The following TMEFF2 variants were observed in gnomAD, a reference collection of about 807,000 sequenced individuals.
TMEFF2 encodes transmembrane protein with EGF like and two follistatin like domains 2.
TMEFF2 carries 28 observed loss-of-function variants against 53.8 expected under a neutral mutation model. The observed-to-expected ratio is 0.52, with a 90% CI of 0.39 to 0.71. TMEFF2 has a LOEUF of 0.71. Among genes scored for constraint, TMEFF2 ranks in the 30% least tolerant of loss-of-function variants. The pLI is 0.00. For synonymous variants in TMEFF2, 162 were observed against 166.3 expected, an observed-to-expected ratio of 0.97 and a Z score of 0.20; for missense variants, 353 against 455.2, an observed-to-expected ratio of 0.78 and a Z score of 2.04.
chr2:192,040,591 G>GA (rs1687449558), intron 5 of TMEFF2, among the ~76,000 whole-genome samples: 1 of 151,960 alleles, frequency 6.6e-6, no homozygotes, highest in Non-Finnish European at 1.5e-5. Context: ...AAAAGAAAGA[G>GA]AAAAAAATGC....
At chr2:192,060,922 A>G (rs1559108697) in intron 4 of TMEFF2, among the ~76,000 whole-genome samples, 2 of 152,160 alleles carry the variant, frequency 1.3e-5, no homozygotes, top group Admixed American at 6.6e-5. Flanking sequence ...AGGGAAATGG[A>G]GCTACTGAAA....
chr2:192,180,609 A>G (rs916148355), intron 3 of TMEFF2, among the ~76,000 whole-genome samples: 4 of 151,764 alleles, frequency 2.6e-5, no homozygotes, highest in African/African-American at 9.7e-5. Context: ...CCCTTATTCC[A>G]CAGTGAAATC....
intron 3 of TMEFF2, among the ~76,000 whole-genome samples, chr2:192,183,705 G>A (rs1311512295): frequency 1.3e-5 from 2 of 151,986 alleles, no homozygotes; most frequent in Admixed American, 1.3e-4. Flanking sequence ...TAGACACAAG[G>A]AAAATTTGAA....
chr2:192,137,080 C>CT, intron 4 of TMEFF2, among the ~76,000 whole-genome samples: 1 of 152,186 alleles, frequency 6.6e-6, no homozygotes, highest in East Asian at 1.9e-4. Flanking sequence ...ATCCATGTCC[C>CT]TTTTTAACAG....
At chr2:192,146,103 A>G (rs146349767) in intron 4 of TMEFF2, among the ~76,000 whole-genome samples, 530 of 152,102 alleles carry the variant, frequency 3.5e-3, no homozygotes, top group East Asian at 0.011. Flanking sequence ...AATATTCACA[A>G]AAATATAAAT....
chr2:192,111,445 T>C (rs1427465107), intron 4 of TMEFF2, among the ~76,000 whole-genome samples: 1 of 152,130 alleles, frequency 6.6e-6, no homozygotes, highest in East Asian at 1.9e-4. Flanking sequence ...ACTTTGAACT[T>C]GAGGGAGATG....
chr2:192,041,616 A>T (rs1200691133), intron 5 of TMEFF2, among the ~76,000 whole-genome samples: 1 of 152,228 alleles, frequency 6.6e-6, no homozygotes, highest in Non-Finnish European at 1.5e-5. Context: ...TCCTATGTAT[A>T]TACCCGAGAC....
chr2:192,095,723 C>T (rs1028179696), intron 4 of TMEFF2, among the ~76,000 whole-genome samples: 17 of 152,136 alleles, frequency 1.1e-4, no homozygotes, highest in African/African-American at 2.9e-4. Flanking sequence ...GTTATTCAAC[C>T]TACCACTTCT....
chr2:192,191,599 A>G (rs1178058678), intron 2 of TMEFF2, among the ~76,000 whole-genome samples: 2 of 152,194 alleles, frequency 1.3e-5, no homozygotes, highest in Non-Finnish European at 2.9e-5. Context: ...TTTTAAAGTG[A>G]TGCTAGAAGG....
chr2:192,113,388 G>T (rs867001935), intron 4 of TMEFF2, among the ~76,000 whole-genome samples: 1 of 152,036 alleles, frequency 6.6e-6, no homozygotes, highest in East Asian at 1.9e-4. Context: ...TTGAGTCTTA[G>T]TTATCACATA....
intron 4 of TMEFF2, among the ~76,000 whole-genome samples, chr2:192,136,391 T>G (rs1690008589): frequency 6.6e-6 from 1 of 152,214 alleles, no homozygotes; most frequent in Non-Finnish European, 1.5e-5. Flanking sequence ...ATCTCTTGCC[T>G]TTTTATGATT....
intron 7 of TMEFF2, among the ~76,000 whole-genome samples, chr2:191,964,321 TTCCTTTCTTTCC>T (rs1321251624): frequency 0.018 from 2,501 of 140,364 alleles, 124 homozygotes; most frequent in African/African-American, 0.066. Flanking sequence ...CTTTCCTTCC[TTCCTTTCTTTCC>T]TTCTTTCTTT....
intron 4 of TMEFF2, among the ~76,000 whole-genome samples, chr2:192,146,017 C>T (rs779693675): frequency 6.6e-6 from 1 of 151,818 alleles, no homozygotes; most frequent in South Asian, 2.1e-4. Flanking sequence ...AAATAGAGCA[C>T]GTTTACTCCT....
chr2:192,048,760 G>A (rs1045691142), intron 5 of TMEFF2, among the ~76,000 whole-genome samples: 4 of 152,054 alleles, frequency 2.6e-5, no homozygotes, highest in Non-Finnish European at 4.4e-5. Flanking sequence ...TTTGTAATAA[G>A]CTTTGGCTCA....
intron 4 of TMEFF2, among the ~76,000 whole-genome samples, chr2:192,128,193 T>G (rs1689724532): frequency 6.6e-6 from 1 of 152,342 alleles, no homozygotes; most frequent in East Asian, 1.9e-4. Flanking sequence ...CCTACAATTT[T>G]CAAGAAGCTA....
Position 192,194,746 on chromosome 2 carries a change from G to A in TMEFF2, c.-222C>T, listed in dbSNP as rs1037118930. The A allele has an allele frequency of 5.2e-6, 3 of 572,356 alleles. No individual in the cohort carries two copies. Among genetic ancestry groups the A allele is most frequent in the African/African-American group, 3.8e-5 (2 of 52,978 alleles). 35.5% of individuals were successfully genotyped at this position (572,356 alleles called of 1,614,324 possible). On this transcript the variant is annotated 5_prime_UTR_variant, in exon 1 of 10. Transcript: ENST00000272771. This position sits in a 1 kb window ranked among gnomAD's most constrained non-coding sequence, Gnocchi z 4.2. ...CAGCCCCGGAGCGAGAGGGTCGTCC[G>A]CTGAGAAGCTGCGCCGGAGACGCGG...
chr2:191,954,263 T>C (rs749480323), intron 8 of TMEFF2, among the ~76,000 whole-genome samples: 1 of 152,204 alleles, frequency 6.6e-6, no homozygotes, highest in Non-Finnish European at 1.5e-5. Context: ...CCTTTCTAAA[T>C]AAATATTACT....
At chr2:192,119,779 C>G (rs1330415830) in intron 4 of TMEFF2, among the ~76,000 whole-genome samples, 1 of 152,184 alleles carries the variant, frequency 6.6e-6, no homozygotes, top group East Asian at 1.9e-4. Flanking sequence ...GTCATCTGTC[C>G]TCTAAATGAA....
At chr2:191,991,206 AG>A (rs1425787608) in intron 7 of TMEFF2, among the ~76,000 whole-genome samples, 1 of 152,126 alleles carries the variant, frequency 6.6e-6, no homozygotes, top group Non-Finnish European at 1.5e-5. Context: ...TGAATTAAAA[AG>A]TCAGCCAAGG....
Sources: gnomAD v4.1 joint callset for allele counts (sites outside exome capture counted in the v4.1 genomes callset) on GRCh38, gnomAD v4.1.1 for gene constraint, Gnocchi (gnomAD v3.1) non-coding constraint, MANE v1.5 for transcripts, NCBI Gene and HGNC (gene_info 2026-07-23, HGNC 2026-07-21) for gene names.